IMMP1L: variants seen among roughly 807,000 people sequenced by gnomAD.
IMMP1L encodes the protein mitochondrial inner membrane protease subunit 1.
In IMMP1L, 24 loss-of-function variants were observed where a neutral mutation model predicts 21.8. That is an observed-to-expected ratio of 1.10 (90% confidence interval 0.80 to 1.55). The LOEUF is 1.55. Among genes scored for constraint, IMMP1L ranks in the 40% most tolerant of loss-of-function variants. IMMP1L has a pLI of 0.00. For missense variants in IMMP1L, 195 were observed against 200.7 expected, an observed-to-expected ratio of 0.97 and a Z score of 0.17; for synonymous variants, 46 against 62.8, an observed-to-expected ratio of 0.73 and a Z score of 1.26.
At chr11:31,452,224 T>C in intron 4 of IMMP1L, 5 of 984,864 alleles carry the variant, frequency 5.1e-6, no homozygotes, top group Non-Finnish European at 4.8e-6. Context: ...AACATGTTTG[T>C]TGATAGGAAT....
chr11:31,476,507 A>G (rs1954733899), intron 1 of IMMP1L, among the ~76,000 whole-genome samples: 3 of 152,028 alleles, frequency 2.0e-5, no homozygotes, highest in African/African-American at 7.2e-5. Flanking sequence ...TATAAAATTG[A>G]TTATATTTTA....
chr11:31,440,813 C>T (rs1174240024), intron 4 of IMMP1L, among the ~76,000 whole-genome samples: 1 of 152,120 alleles, frequency 6.6e-6, no homozygotes, highest in Non-Finnish European at 1.5e-5. Context: ...AGTGGAGTCT[C>T]CTTTATGTTT....
At chr11:31,459,179 C>G (rs757467604) in intron 3 of IMMP1L, among the ~76,000 whole-genome samples, 16 of 152,076 alleles carry the variant, frequency 1.1e-4, no homozygotes, top group Non-Finnish European at 1.5e-4. Context: ...GAAGAATTAC[C>G]TAGGGAGCAT....
chr11:31,456,022 C>T (rs1286096446), intron 4 of IMMP1L, among the ~76,000 whole-genome samples: 1 of 152,078 alleles, frequency 6.6e-6, no homozygotes, highest in East Asian at 1.9e-4. Flanking sequence ...ATTTTAGCAT[C>T]CACTGGTAAA....
At chr11:31,475,932 T>TA (rs1954714074) in intron 1 of IMMP1L, among the ~76,000 whole-genome samples, 2 of 152,086 alleles carry the variant, frequency 1.3e-5, no homozygotes, top group Non-Finnish European at 1.5e-5. Flanking sequence ...GAATAAAAAG[T>TA]AAAAAAGTAA....
intron 4 of IMMP1L, among the ~76,000 whole-genome samples, chr11:31,445,919 G>A (rs1471104917): frequency 6.6e-6 from 1 of 152,148 alleles, no homozygotes; most frequent in Admixed American, 6.5e-5. Flanking sequence ...ACAGACTATG[G>A]ACATCAAGGA....
At chr11:31,491,303 T>A (rs965861640) in intron 1 of IMMP1L, among the ~76,000 whole-genome samples, 4 of 152,182 alleles carry the variant, frequency 2.6e-5, no homozygotes, top group Non-Finnish European at 5.9e-5. Context: ...AAGAAAGCTA[T>A]CACCTTAAAG....
chr11:31,459,750 T>C (rs949878963), intron 3 of IMMP1L, among the ~76,000 whole-genome samples: 2 of 152,066 alleles, frequency 1.3e-5, no homozygotes, highest in African/African-American at 2.4e-5. Context: ...CTTTAAAAGG[T>C]TTAGTGACAC....
intron 1 of IMMP1L, among the ~76,000 whole-genome samples, chr11:31,484,353 C>A (rs7950483): frequency 0.044 from 6,633 of 151,844 alleles, 386 homozygotes; most frequent in African/African-American, 0.11. Flanking sequence ...CCAATTTACA[C>A]AAAAAGTACC....
chr11:31,475,798 T>G (rs978992888), intron 1 of IMMP1L, among the ~76,000 whole-genome samples: 3 of 152,160 alleles, frequency 2.0e-5, no homozygotes, highest in African/African-American at 7.2e-5. Flanking sequence ...TTATGTTGAA[T>G]TTACTTCAGA....
chr11:31,497,208 G>A (rs1955471860), intron 1 of IMMP1L, among the ~76,000 whole-genome samples: 1 of 151,402 alleles, frequency 6.6e-6, no homozygotes, highest in South Asian at 2.1e-4. Context: ...ATAAGTCAAA[G>A]AGCATCTGCA....
At chr11:31,453,045 G>A in intron 4 of IMMP1L, 2 of 1,287,220 alleles carry the variant, frequency 1.6e-6, no homozygotes, top group African/African-American at 1.5e-5. Context: ...AGCCACCGCG[G>A]CCGGCCAGCA....
intron 1 of IMMP1L, among the ~76,000 whole-genome samples, chr11:31,464,514 T>G (rs1274122859): frequency 3.3e-5 from 5 of 152,058 alleles, no homozygotes; most frequent in African/African-American, 9.7e-5. Context: ...AAATCCCCAA[T>G]GAGCTCAGAT....
chr11:31,439,270 C>T (rs1429632606), intron 4 of IMMP1L, among the ~76,000 whole-genome samples: 1 of 151,642 alleles, frequency 6.6e-6, no homozygotes, highest in African/African-American at 2.4e-5. Context: ...CTATGGGTTA[C>T]TCATTTTTTT....
At chr11:31,499,383 A>AAACAC (rs1393174208) in intron 1 of IMMP1L, among the ~76,000 whole-genome samples, 10 of 151,952 alleles carry the variant, frequency 6.6e-5, no homozygotes, top group Non-Finnish European at 1.5e-4. Flanking sequence ...AAACAAAACA[A>AAACAC]AACAAAACAA....
At chr11:31,435,709 T>C (rs991442221) in intron 4 of IMMP1L, among the ~76,000 whole-genome samples, 7 of 152,182 alleles carry the variant, frequency 4.6e-5, no homozygotes, top group Non-Finnish European at 8.8e-5. Context: ...ATCTCCTTTT[T>C]TTCCCTCATT....
intron 4 of IMMP1L, among the ~76,000 whole-genome samples, chr11:31,440,419 G>T (rs1953282841): frequency 6.6e-6 from 1 of 152,168 alleles, no homozygotes; most frequent in South Asian, 2.1e-4. Flanking sequence ...GAGACAAAAT[G>T]TCGCTCTCTC....
chr11:31,501,156 G>A (rs1036978853), intron 1 of IMMP1L, among the ~76,000 whole-genome samples: 1 of 152,158 alleles, frequency 6.6e-6, no homozygotes, highest in African/African-American at 2.4e-5. Flanking sequence ...AGGTTCTACT[G>A]GACAGGGTTC....
chr11:31,501,798 T>G (rs1206957832), intron 1 of IMMP1L, among the ~76,000 whole-genome samples: 1 of 143,860 alleles, frequency 7.0e-6, no homozygotes, highest in Non-Finnish European at 1.5e-5. Context: ...TACAAATAAA[T>G]AAATAAATAA....
Sources: gnomAD v4.1 joint callset for allele counts (sites outside exome capture counted in the v4.1 genomes callset) on GRCh38, gnomAD v4.1.1 for gene constraint, MANE v1.5 for transcripts, NCBI Gene and HGNC (gene_info 2026-07-23, HGNC 2026-07-21) for gene names.